GTF2H3: variants seen among roughly 807,000 people sequenced by gnomAD.
The protein encoded by GTF2H3 is TFIIH basal transcription factor complex p34 subunit.
A neutral mutation model predicts 51.1 loss-of-function variants in GTF2H3; 42 were observed. The observed-to-expected ratio is 0.82, with a 90% CI of 0.64 to 1.06. The LOEUF (loss-of-function observed/expected upper bound fraction) is 1.06, where lower values mean the gene tolerates loss of function less well. Ranked by LOEUF, GTF2H3 falls within the 50% of genes least tolerant of loss-of-function variation. The pLI is 0.00. For synonymous variants in GTF2H3, 123 were observed against 123.8 expected (o/e 0.99, Z 0.04); for missense variants, 326 against 366.1 (o/e 0.89, Z 0.89).
chr12:123,643,856 A>G (rs779065937), intron 2 of GTF2H3, among the ~76,000 whole-genome samples: 22 of 145,348 alleles, frequency 1.5e-4, no homozygotes, highest in African/African-American at 2.0e-4. Context: ...ATTTTTTGAG[A>G]TGGAGTCTTT....
chr12:123,656,825 GC>G (rs753799111), intron 9 of GTF2H3, among the ~76,000 whole-genome samples: 8 of 152,212 alleles, frequency 5.3e-5, no homozygotes, highest in Non-Finnish European at 1.2e-4. Context: ...AGTGGCTCAT[GC>G]CTATAATCTC....
Position 123,643,721 on chromosome 12 carries a change from GT to G in GTF2H3, c.94-1728del, listed in dbSNP as rs1224658613. 3.3e-5 allele frequency among the ~76,000 whole-genome samples: 5 copies of G among 151,986 alleles called. No individual in the cohort carries two copies. In the East Asian group the frequency reaches 9.7e-4, roughly 29 times the overall value. ...CATTACTTGCCATGTGTTGCAACTG[GT>G]TTTTTCCAGTTTGTAACTTGTTTTC... On this transcript the variant is annotated intron_variant, in intron 2 of 12. Coordinates refer to ENST00000543341, the MANE Select transcript of GTF2H3 (RefSeq NM_001516.5).
chr12:123,635,361 G>T (rs1015482317), intron 1 of GTF2H3, among the ~76,000 whole-genome samples: 1 of 151,988 alleles, frequency 6.6e-6, no homozygotes, highest in African/African-American at 2.4e-5. Context: ...ACTTGAGGTC[G>T]GGAGTTCGAG....
At chr12:123,656,876 A>G (rs374727820) in intron 9 of GTF2H3, among the ~76,000 whole-genome samples, 1 of 152,314 alleles carries the variant, frequency 6.6e-6, no homozygotes, top group South Asian at 2.1e-4. Flanking sequence ...GCTTGAGCTC[A>G]GAAGTTTAAG....
In GTF2H3 at chr12:123,659,796, G is replaced by T; in HGVS notation, c.686G>T (p.Trp229Leu). The change falls in exon 11 of 13, where the codon TGG (tryptophan) becomes TTG (leucine). Residue 229 changes from tryptophan (W) to leucine (L), a missense_variant and splice_region_variant. Transcript: ENST00000543341. ...QMPSLLQYLL[W>L]VFLPDQDQRS... ...TTCTTTTGTTTGTTTGTTTTACAGT[G>T]GGTGTTTCTTCCCGATCAAGATCAG... 1 of 1,610,592 alleles carries T rather than the reference G, an allele frequency of 6.2e-7. No homozygotes were observed.
intron 2 of GTF2H3, among the ~76,000 whole-genome samples, chr12:123,644,744 A>G (rs866769014): frequency 6.6e-6 from 1 of 152,230 alleles, no homozygotes; most frequent in African/African-American, 2.4e-5. Context: ...AGTATATACC[A>G]GACGTACAGT....
chr12:123,646,707 A>G (rs1279976297), intron 3 of GTF2H3, among the ~76,000 whole-genome samples: 1 of 151,464 alleles, frequency 6.6e-6, no homozygotes, highest in Non-Finnish European at 1.5e-5. Context: ...CCAAACACAT[A>G]CTCTTACTCC....
intron 11 of GTF2H3, 21 bp from the exon 12 acceptor site, chr12:123,660,023 TTC>T: frequency 2.5e-6 from 4 of 1,591,392 alleles, no homozygotes; most frequent in Non-Finnish European, 3.4e-6. Flanking sequence ...ACCCTATTGT[TTC>T]TTTTTTTTTT....
In GTF2H3 at chr12:123,639,277, T is replaced by A; in HGVS notation, c.27T>A (p.Asn9Lys). 1 of 1,533,904 alleles carries A rather than the reference T, an allele frequency of 6.5e-7. No homozygotes were observed. The highest frequency in any genetic ancestry group is 9.0e-7 in the Non-Finnish European group (1 of 1,107,630). The change falls in exon 2 of 13, where the codon AAT becomes AAA. Residue 9 changes from asparagine to lysine, a missense_variant. Coordinates refer to ENST00000543341, the MANE Select transcript of GTF2H3 (RefSeq NM_001516.5). ...TAATATTTTCAGAAGATGAATTGAA[T>A]CTTCTGGTTATTGTAGTTGATGCCA... MVSDEDEL[N>K]LLVIVVDANP...
intron 8 of GTF2H3, 41 bp downstream of exon 8, chr12:123,655,039 C>CTCAGGA: frequency 6.7e-7 from 1 of 1,497,812 alleles, no homozygotes; most frequent in Non-Finnish European, 9.3e-7. Flanking sequence ...TGTTTCATAA[C>CTCAGGA]GAAGGAGTCA....
chr12:123,642,849 T>C (rs1220138140), intron 2 of GTF2H3, among the ~76,000 whole-genome samples: 1 of 152,202 alleles, frequency 6.6e-6, no homozygotes, highest in Non-Finnish European at 1.5e-5. Flanking sequence ...ATGTTAGAAC[T>C]ACACTCATTT....
intron 2 of GTF2H3, among the ~76,000 whole-genome samples, chr12:123,642,541 A>G (rs1189099716): frequency 6.6e-6 from 1 of 152,204 alleles, no homozygotes; most frequent in African/African-American, 2.4e-5. Flanking sequence ...GGACTTGAAC[A>G]TATCTTTTGG....
intron 7 of GTF2H3, among the ~76,000 whole-genome samples, chr12:123,653,870 T>A (rs1955550561): frequency 1.3e-5 from 2 of 152,148 alleles, no homozygotes; most frequent in African/African-American, 4.8e-5. Flanking sequence ...CACTGCTTAT[T>A]TTCCGGAGGT....
intron 2 of GTF2H3, 91 bp from the exon 3 acceptor site, chr12:123,645,364 C>G: frequency 1.4e-6 from 1 of 720,664 alleles, no homozygotes. Context: ...GCCACTGCAC[C>G]CAGCCTAAAC....
intron 1 of GTF2H3, among the ~76,000 whole-genome samples, chr12:123,634,784 G>C (rs73416238): frequency 0.011 from 1,654 of 152,326 alleles, 31 homozygotes; most frequent in African/African-American, 0.037. Flanking sequence ...TTAAAAGGAG[G>C]CTAGAGGGAT....
chr12:123,654,859 G>T, intron 7 of GTF2H3, 65 bp from the exon 8 acceptor site: 1 of 1,054,832 alleles, frequency 9.5e-7, no homozygotes, highest in Non-Finnish European at 1.5e-6. Context: ...GCAGTATATT[G>T]TGTGACATTG....
rs1467386822 is a variant in GTF2H3, at chr12:123,655,039, C to A, written c.561+41C>A. On this transcript the variant is annotated intron_variant, in intron 8 of 12. Coordinates refer to ENST00000543341, the MANE Select transcript of GTF2H3 (RefSeq NM_001516.5). The stretch of plus-strand genomic sequence containing the variant: ...GCCGTTTAAAGTATTTGTTTCATAA[C>A]GAAGGAGTCAATTTCATTTTTTGAA... 15 of 1,497,800 alleles carry A rather than the reference C, an allele frequency of 1.0e-5. No individual in the cohort carries two copies. In the South Asian group the frequency reaches 1.6e-4, roughly 16 times the overall value. 92.8% of individuals were successfully genotyped at this position (1,497,800 alleles called of 1,614,324 possible).
At chr12:123,654,695 A>G (rs1450778968) in intron 7 of GTF2H3, among the ~76,000 whole-genome samples, 1 of 152,044 alleles carries the variant, frequency 6.6e-6, no homozygotes, top group African/African-American at 2.4e-5. Flanking sequence ...GTGCATGTAT[A>G]TACCTGCCCA....
rs141711355 is a variant in GTF2H3, at chr12:123,655,798, G to A, written c.589G>A (p.Asp197Asn). Reference protein sequence around the residue: ...QNILIDACVLDSDSGLLQQAC... With the variant: ...QNILIDACVLNSDSGLLQQAC... ...TATTTTGATTGATGCCTGTGTTTTA[G>A]ACTCCGACTCAGGGCTCCTCCAACA... Residue 197 changes from aspartate (D) to asparagine (N), a missense_variant, in exon 9 of 13, where the codon GAC (aspartate) becomes AAC (asparagine). Asp to Asn is a conservative substitution (Grantham distance 23). Coordinates refer to ENST00000543341, the MANE Select transcript of GTF2H3 (RefSeq NM_001516.5). The A allele has an allele frequency of 1.2e-6, 2 of 1,600,766 alleles. No individual in the cohort carries two copies. Among genetic ancestry groups the A allele is most frequent in the African/African-American group, 2.7e-5 (2 of 74,574 alleles).
Sources: allele counts gnomAD v4.1 joint callset (sites outside exome capture counted in the v4.1 genomes callset), GRCh38; gene constraint gnomAD v4.1.1; transcripts MANE v1.5; gene names NCBI Gene and HGNC (gene_info 2026-07-23, HGNC 2026-07-21).